ZSWIM7: variants seen among roughly 807,000 people sequenced by gnomAD.
ZSWIM7 encodes the protein zinc finger SWIM domain-containing protein 7.
Under a neutral mutation model 21.1 loss-of-function variants are expected in ZSWIM7, and 22 were observed. That is an observed-to-expected ratio of 1.04 (90% CI 0.74 to 1.49). ZSWIM7 has a LOEUF of 1.49. ZSWIM7 is among the 40% of genes most tolerant of loss of function. ZSWIM7 has a pLI of 0.00. For missense variants in ZSWIM7, 193 were observed against 168.0 expected (o/e 1.15, Z -0.82); for synonymous variants, 67 against 66.5 (o/e 1.01, Z -0.04).
intron 1 of ZSWIM7, among the ~76,000 whole-genome samples, chr17:15,995,194 G>A (rs1244246245): frequency 1.3e-5 from 2 of 151,874 alleles, no homozygotes; most frequent in Admixed American, 6.6e-5. Context: ...CAGTTACTTG[G>A]GAAGCTGAGG....
Position 15,999,505 on chromosome 17 carries a change from C to T in ZSWIM7, c.76+14G>A, listed in dbSNP as rs753433871. 7.5e-6 allele frequency: 12 copies of T among 1,597,588 alleles called. No individual in the cohort carries two copies. In the East Asian group the frequency reaches 2.5e-4, roughly 33 times the overall value. ...GCGCCCATGGCGCAGCCACACACGA[C>T]CTCGGTCCCGTACTTCGCGCGCTCT... On this transcript the variant is annotated intron_variant, in intron 1 of 4. Coordinates refer to ENST00000399277, the MANE Select transcript of ZSWIM7 (RefSeq NM_001042697.2).
chr17:15,999,651 T>C lies in ZSWIM7; in HGVS notation c.-57A>G. The C allele has an allele frequency of 6.4e-7, 1 of 1,564,110 alleles. No individual in the cohort carries two copies. ...GGACCGCCGCGACGCTCCAGCTGAC[T>C]GCGCCTACCTGTGGAGGATCCTGAC... On this transcript the variant is annotated 5_prime_UTR_variant, in exon 1 of 5. Coordinates refer to ENST00000399277, the MANE Select transcript of ZSWIM7 (RefSeq NM_001042697.2).
chr17:15,977,909 C>T lies in ZSWIM7; in HGVS notation c.*138G>A. 2 of 712,710 alleles carry T rather than the reference C, an allele frequency of 2.8e-6. No individual in the cohort carries two copies. Among genetic ancestry groups the T allele is most frequent in the Non-Finnish European group, 4.8e-6 (2 of 415,956 alleles). 44.1% of individuals were successfully genotyped at this position (712,710 alleles called of 1,614,324 possible). A position where few individuals can be genotyped will look rare whatever the true frequency, so the allele number is the denominator to read the frequency against. The stretch of plus-strand genomic sequence containing the variant: ...CGGCTCCAACCCACAGCACCTCCTG[C>T]AGTCCTGGAGGGAAAAGGGACAGTA... On this transcript the variant is annotated 3_prime_UTR_variant, in exon 5 of 5. Transcript: ENST00000399277.
In ZSWIM7 at chr17:15,999,606, A is replaced by G; in HGVS notation, c.-12T>C. The G allele has an allele frequency of 1.9e-6, 3 of 1,570,324 alleles. No individual in the cohort carries two copies. Among genetic ancestry groups the G allele is most frequent in the South Asian group, 1.2e-5 (1 of 86,264 alleles). ...AACACTACGGCCATCGCGCCGCAGG[A>G]CACGCCCTCCACGACCGGCGGACCG... On this transcript the variant is annotated 5_prime_UTR_variant, in exon 1 of 5. Transcript: ENST00000399277.
rs746388144 is a variant in ZSWIM7, at chr17:15,987,371, G to A, written c.99-3C>T. On this transcript the variant is annotated splice_polypyrimidine_tract_variant and splice_region_variant and intron_variant, in intron 2 of 4. Coordinates refer to ENST00000399277, the MANE Select transcript of ZSWIM7 (RefSeq NM_001042697.2). Reference sequence around the variant, plus strand: ...ATGAGCCAAAGAGAAACTTCAGCCTGTGAAATAAAAACACTTCAGATTAGA... The same window carrying A: ...ATGAGCCAAAGAGAAACTTCAGCCTATGAAATAAAAACACTTCAGATTAGA... 4 of 1,612,042 alleles carry A rather than the reference G, an allele frequency of 2.5e-6. No homozygotes were observed. The highest frequency in any genetic ancestry group is 2.2e-5 in the South Asian group (2 of 90,632).
At chr17:15,999,309 T>C (rs1035276620) in intron 1 of ZSWIM7, 26 of 692,096 alleles carry the variant, frequency 3.8e-5, no homozygotes, top group African/African-American at 3.7e-4. Context: ...ACCGTAAATA[T>C]TTGCTGAATC....
In ZSWIM7 at chr17:15,987,326, G is replaced by A. The variant is rs1009173030; in HGVS notation, c.141C>T (p.Asp47=). Residue 47 remains aspartate (D), a synonymous_variant, in exon 3 of 5, where the codon GAC becomes GAT. Coordinates refer to ENST00000399277, the MANE Select transcript of ZSWIM7 (RefSeq NM_001042697.2). ...AGGTGATGGACTGTCGATCAACTAGGTCCAAGGCCTGGGTGGCTGATGAGC... is the reference window on the plus strand; with the variant it reads ...AGGTGATGGACTGTCGATCAACTAGATCCAAGGCCTGGGTGGCTGATGAGC... ...LFGSSATQAL[D]LVDRQSITLI... The A allele has an allele frequency of 2.5e-6, 4 of 1,613,622 alleles. No individual in the cohort carries two copies. Among genetic ancestry groups the A allele is most frequent in the Middle Eastern group, 1.7e-4 (1 of 6,058 alleles).
intron 3 of ZSWIM7, among the ~76,000 whole-genome samples, chr17:15,986,028 GT>G (rs923277549): frequency 6.7e-6 from 1 of 150,232 alleles, no homozygotes; most frequent in African/African-American, 2.5e-5. Context: ...TACCATCCAA[GT>G]TTTTTTTTGT....
At chr17:15,996,264 T>C (rs1262388214) in intron 1 of ZSWIM7, among the ~76,000 whole-genome samples, 4 of 151,942 alleles carry the variant, frequency 2.6e-5, no homozygotes, top group African/African-American at 9.7e-5. Flanking sequence ...GATTGCACCA[T>C]TGCACTCCAG....
intron 4 of ZSWIM7, among the ~76,000 whole-genome samples, chr17:15,980,045 C>T (rs1192720225): frequency 6.8e-6 from 1 of 146,842 alleles, no homozygotes; most frequent in Non-Finnish European, 1.5e-5. Flanking sequence ...CTGACCCCCC[C>T]ACCTCCCTCC....
chr17:15,981,468 TG>T lies in ZSWIM7; in HGVS notation c.202-325del, dbSNP rs111945001. On this transcript the variant is annotated intron_variant, in intron 3 of 4. Coordinates refer to ENST00000399277, the MANE Select transcript of ZSWIM7 (RefSeq NM_001042697.2). ...TGGGCTGACTGTAATAAGAAGGAAG[TG>T]GGGGGGGGGAATCTCTCATCTACAT... 8.4e-3 allele frequency among the ~76,000 whole-genome samples: 1,194 copies of T among 142,616 alleles called. 8 individuals carry two copies. Among genetic ancestry groups the T allele is most frequent in the African/African-American group, 0.023 (855 of 37,512 alleles). 93.6% of individuals were successfully genotyped at this position (142,616 alleles called of 152,430 possible). A position where few individuals can be genotyped will look rare whatever the true frequency, so the allele number is the denominator to read the frequency against.
Position 15,977,387 on chromosome 17 carries a change from GTAATTCAGTTAGTTACTTAAGAC to G in ZSWIM7, c.*637_*659del, listed in dbSNP as rs948149424. 1 of 152,094 alleles carries G rather than the reference GTAATTCAGTTAGTTACTTAAGAC, an allele frequency of 6.6e-6. No homozygotes were observed. Among genetic ancestry groups the G allele is most frequent in the African/African-American group, 2.4e-5 (1 of 41,408 alleles). 9.4% of individuals were successfully genotyped at this position (152,094 alleles called of 1,614,324 possible). ...CATTCCAACCTTTTAAAAATTACTA[GTAATTCAGTTAGTTACTTAAGAC>G]TAAATAGGGTCAGGCGCAGTGGCTC... On this transcript the variant is annotated 3_prime_UTR_variant, in exon 5 of 5. Transcript: ENST00000399277.
chr17:15,996,097 G>A (rs1046677887), intron 1 of ZSWIM7, among the ~76,000 whole-genome samples: 16 of 152,152 alleles, frequency 1.1e-4, no homozygotes, highest in Non-Finnish European at 1.9e-4. Context: ...TTTTTCAGCC[G>A]GGCGCGATGG....
intron 3 of ZSWIM7, among the ~76,000 whole-genome samples, chr17:15,984,599 C>T (rs1970389446): frequency 6.6e-6 from 1 of 152,182 alleles, no homozygotes. Flanking sequence ...TATTTTATGA[C>T]CGCTCCAAGC....
At chr17:15,998,964 C>T (rs1278023964) in intron 1 of ZSWIM7, among the ~76,000 whole-genome samples, 1 of 152,112 alleles carries the variant, frequency 6.6e-6, no homozygotes, top group Admixed American at 6.6e-5. Flanking sequence ...CCATGTTGGC[C>T]AGGCTGGTCT....
intron 2 of ZSWIM7, 119 bp from the exon 3 acceptor site, chr17:15,987,487 G>A (rs1970428263): frequency 1.2e-6 from 1 of 839,548 alleles, no homozygotes; most frequent in African/African-American, 1.7e-5. Flanking sequence ...TTGAAAAAAG[G>A]AAAATAATAC....
Position 15,987,454 on chromosome 17 carries a change from T to C in ZSWIM7, c.99-86A>G, listed in dbSNP as rs73276059. ...GCCCAAAGGATCACTAGACTTAGTATTTTTTAAAAATTCATTTTAATTTTG... is the reference window on the plus strand; with the variant it reads ...GCCCAAAGGATCACTAGACTTAGTACTTTTTAAAAATTCATTTTAATTTTG... On this transcript the variant is annotated intron_variant, in intron 2 of 4. Coordinates refer to ENST00000399277, the MANE Select transcript of ZSWIM7 (RefSeq NM_001042697.2). The C allele has an allele frequency of 9.9e-3, 11,264 of 1,142,678 alleles. 757 individuals carry two copies. In the African/African-American group the frequency reaches 0.15, roughly 15 times the overall value. The allele number at this position is 1,142,678 out of a possible 1,614,324, so 70.8% of individuals were successfully genotyped here. A position where few individuals can be genotyped will look rare whatever the true frequency, so the allele number is the denominator to read the frequency against.
intron 2 of ZSWIM7, among the ~76,000 whole-genome samples, chr17:15,987,580 T>C (rs1397271151): frequency 6.6e-6 from 1 of 152,054 alleles, no homozygotes; most frequent in Non-Finnish European, 1.5e-5. Context: ...GTATTATGTA[T>C]ATATGTGTGT....
intron 3 of ZSWIM7, among the ~76,000 whole-genome samples, chr17:15,983,952 A>G (rs1165818680): frequency 1.3e-5 from 2 of 152,108 alleles, no homozygotes; most frequent in South Asian, 2.1e-4. Context: ...CCCTTTAGTT[A>G]TCTCGTCTCT....
Sources: gnomAD v4.1 joint callset for allele counts (sites outside exome capture counted in the v4.1 genomes callset) on GRCh38, gnomAD v4.1.1 for gene constraint, MANE v1.5 for transcripts, NCBI Gene and HGNC (gene_info 2026-07-23, HGNC 2026-07-21) for gene names.